MRTFB: variants seen among roughly 807,000 people sequenced by gnomAD.
The protein encoded by MRTFB is myocardin related transcription factor B.
Under a neutral mutation model 104.2 loss-of-function variants are expected in MRTFB, and 29 were observed. The ratio of observed to expected loss-of-function variants is 0.28; its 90% confidence interval spans 0.21 to 0.38. The LOEUF is 0.38. Among genes scored for constraint, MRTFB ranks in the 10% least tolerant of loss-of-function variants. The probability of loss-of-function intolerance (pLI) is 1.00; values close to 1 mark genes in which losing one functional copy is unlikely to be tolerated. For missense variants in MRTFB, 1,270 were observed against 1,341.6 expected (o/e 0.95, Z 0.83); for synonymous variants, 535 against 519.5 (o/e 1.03, Z -0.41).
chr16:14,143,638 T>C (rs1438703316), intron 3 of MRTFB: 1 of 151,956 alleles, frequency 6.6e-6, no homozygotes, highest in African/African-American at 2.4e-5. Context: ...ATTAGATATA[T>C]CTCCAAATGC....
chr16:14,136,318 ACTTAT>A (rs551468848), intron 2 of MRTFB, among the ~76,000 whole-genome samples: 161 of 152,146 alleles, frequency 1.1e-3, no homozygotes, highest in African/African-American at 3.7e-3. Context: ...CTTTGTACCT[ACTTAT>A]CCTACTTATG....
the MRTFB span, among the ~76,000 whole-genome samples, chr16:14,028,910 G>T: frequency 2.0e-5 from 3 of 152,164 alleles, no homozygotes; most frequent in East Asian, 1.9e-4. Context: ...AGTGGAGAAG[G>T]TTGGCCCCAG....
intron 3 of MRTFB, among the ~76,000 whole-genome samples, chr16:14,166,217 C>CTTTTTTTT (rs35113283): frequency 1.9e-4 from 21 of 112,524 alleles, no homozygotes; most frequent in South Asian, 5.9e-4. Context: ...GTTTTCTTTT[C>CTTTTTTTT]TTTTTTTTTT....
At position 14,248,969 on chromosome 16, in the gene MRTFB, C is replaced by G; in HGVS notation, c.2291C>G (p.Thr764Ser). ...ATGCAGACTCAGCCTCAGATAGCAA[C>G]TGCTGCACAAATACCAACTGCTGCC... is the stretch of plus-strand genomic sequence containing the variant. ...AGMQTQPQIATAAQIPTAALA... is the reference protein window; with the variant it reads ...AGMQTQPQIASAAQIPTAALA... Residue 764 changes from threonine (T) to serine (S), a missense_variant, in exon 13 of 17, where the codon ACT becomes AGT. Thr to Ser is a moderately conservative substitution (Grantham distance 58, BLOSUM62 1). This residue lies in a region of MRTFB where 1,144 missense variants were observed against 1,131.5 expected (regional missense o/e 1.01). Coordinates refer to ENST00000571589, the MANE Select transcript of MRTFB (RefSeq NM_001308142.2). 1.2e-6 allele frequency: 2 copies of G among 1,614,218 alleles called. No homozygotes were observed. Among genetic ancestry groups the G allele is most frequent in the African/African-American group, 2.7e-5 (2 of 75,052 alleles).
intron 1 of MRTFB, among the ~76,000 whole-genome samples, chr16:14,074,588 CTTTT>C (rs2033923986): frequency 6.6e-6 from 1 of 152,104 alleles, no homozygotes; most frequent in Non-Finnish European, 1.5e-5. Flanking sequence ...TGGTTGGCAA[CTTTT>C]CTTTCTTAGT....
At chr16:14,157,921 T>C (rs903762254) in intron 3 of MRTFB, among the ~76,000 whole-genome samples, 1 of 152,262 alleles carries the variant, frequency 6.6e-6, no homozygotes, top group South Asian at 2.1e-4. Context: ...ATATATAGTT[T>C]CATTTTATTG....
At chr16:14,159,229 A>T (rs1660012107) in intron 3 of MRTFB, among the ~76,000 whole-genome samples, 1 of 152,194 alleles carries the variant, frequency 6.6e-6, no homozygotes, top group Admixed American at 6.5e-5. Context: ...AAATGTTGCC[A>T]TGCTAGGAAG....
chr16:14,213,668 A>G, intron 6 of MRTFB, 48 bp downstream of exon 6: 1 of 1,340,158 alleles, frequency 7.5e-7, no homozygotes, highest in East Asian at 2.4e-5. Flanking sequence ...TCAAGAAAAG[A>G]AGTGAGAATT....
intron 1 of MRTFB, among the ~76,000 whole-genome samples, chr16:14,073,990 A>G (rs2033887072): frequency 1.3e-5 from 2 of 152,198 alleles, no homozygotes; most frequent in Non-Finnish European, 2.9e-5. Flanking sequence ...TACGTATAAC[A>G]TTTATATATG....
rs1332157565 is a variant in MRTFB, at chr16:14,250,340, AG to A, written c.2403+1260del. 2.0e-5 allele frequency among the ~76,000 whole-genome samples: 3 copies of A among 152,218 alleles called. No individual in the cohort carries two copies. The East Asian group carries it at 5.8e-4, about 29-fold the overall frequency. ...GTATAGAACGTGTTAAGTATTTTTGAGCAAACCAAGTTCTATGAAATACAGT... is the reference window on the plus strand; with the variant it reads ...GTATAGAACGTGTTAAGTATTTTTGACAAACCAAGTTCTATGAAATACAGT... On this transcript the variant is annotated intron_variant, in intron 13 of 16. Coordinates refer to ENST00000571589, the MANE Select transcript of MRTFB (RefSeq NM_001308142.2).
chr16:14,197,753 G>A (rs763088713), intron 3 of MRTFB, among the ~76,000 whole-genome samples: 1 of 152,110 alleles, frequency 6.6e-6, no homozygotes, highest in Non-Finnish European at 1.5e-5. Flanking sequence ...GCAGTGTGAT[G>A]GGGAATATAT....
chr16:14,200,670 T>C (rs1362145587), intron 3 of MRTFB: 11 of 1,553,804 alleles, frequency 7.1e-6, no homozygotes, highest in South Asian at 1.1e-5. Context: ...CACTGGGTGT[T>C]TGAATCTAGA....
intron 2 of MRTFB, among the ~76,000 whole-genome samples, chr16:14,098,117 G>C (rs913561272): frequency 1.3e-5 from 2 of 152,144 alleles, no homozygotes; most frequent in Non-Finnish European, 2.9e-5. Context: ...AAATACCTAG[G>C]AGTAGGATGG....
In MRTFB at chr16:14,249,135, T is replaced by A; in HGVS notation, c.2403+54T>A. 7.0e-6 allele frequency: 11 copies of A among 1,580,072 alleles called. No homozygotes were observed. In the South Asian group the frequency reaches 1.2e-4, roughly 17 times the overall value. On this transcript the variant is annotated intron_variant, in intron 13 of 16. Transcript: ENST00000571589. The stretch of plus-strand genomic sequence containing the variant: ...GTCGCTGATTTTTACCATCCTCCGA[T>A]CATCCATTCAACAAGCATCTTTGTA...
chr16:14,076,052 T>C (rs1472554971), intron 1 of MRTFB, among the ~76,000 whole-genome samples: 2 of 152,086 alleles, frequency 1.3e-5, no homozygotes, highest in South Asian at 2.1e-4. Flanking sequence ...TAGATGCAGA[T>C]ACAAGCAAAT....
intron 3 of MRTFB, among the ~76,000 whole-genome samples, chr16:14,164,365 CT>C (rs1293139216): frequency 6.6e-5 from 10 of 152,128 alleles, no homozygotes; most frequent in African/African-American, 2.4e-4. Flanking sequence ...ATAATGACCT[CT>C]AGTTCCATCC....
At chr16:14,248,611 A>C (rs1004917131) in intron 12 of MRTFB, 1 of 212,808 alleles carries the variant, frequency 4.7e-6, no homozygotes, top group African/African-American at 2.3e-5. Context: ...TTCAAGTATT[A>C]CAGTACCTGA....
chr16:14,023,580 TACACACACAC>T, the MRTFB span, among the ~76,000 whole-genome samples: 69 of 94,014 alleles, frequency 7.3e-4, no homozygotes, highest in African/African-American at 2.7e-3. Flanking sequence ...CAAGGGCAGA[TACACACACAC>T]ACACACACAC....
At chr16:14,201,587 T>G (rs1375932634) in intron 3 of MRTFB, among the ~76,000 whole-genome samples, 1 of 152,220 alleles carries the variant, frequency 6.6e-6, no homozygotes, top group Non-Finnish European at 1.5e-5. Flanking sequence ...GTCATCTACT[T>G]AAGGCCCAGT....
Sources: gnomAD v4.1 joint callset for allele counts (sites outside exome capture counted in the v4.1 genomes callset) on GRCh38, gnomAD v4.1.1 for gene constraint, gnomAD v4.1.1 regional missense constraint, MANE v1.5 for transcripts, NCBI Gene and HGNC (gene_info 2026-07-23, HGNC 2026-07-21) for gene names.